Variants in NRXN3 observed in about 807,000 individuals in gnomAD.
NRXN3 encodes the protein neurexin III.
In NRXN3, 32 loss-of-function variants were observed where a neutral mutation model predicts 137.6. The observed-to-expected ratio is 0.23, with a 90% CI of 0.18 to 0.31. The LOEUF (loss-of-function observed/expected upper bound fraction) is 0.31. NRXN3 is among the 10% of genes least tolerant of loss of function. The pLI, the probability that NRXN3 is intolerant of heterozygous loss-of-function variation, is 1.00. For synonymous variants in NRXN3, 798 were observed against 784.5 expected (o/e 1.02, Z -0.29); for missense variants, 1,574 against 2,062.5 (o/e 0.76, Z 4.59).
intron 4 of NRXN3, among the ~76,000 whole-genome samples, chr14:78,402,592 A>G (rs1271830472): frequency 2.0e-5 from 3 of 152,208 alleles, no homozygotes; most frequent in African/African-American, 7.2e-5. Flanking sequence ...AAATATGAAG[A>G]TGTAAACAGT....
intron 1 of NRXN3, among the ~76,000 whole-genome samples, chr14:78,220,256 A>G (rs1284413273): frequency 1.3e-5 from 2 of 152,120 alleles, no homozygotes; most frequent in African/African-American, 2.4e-5. Flanking sequence ...GTTTGTGAAG[A>G]GATCTGGAGA....
chr14:78,313,064 G>T (rs928982933), intron 4 of NRXN3, among the ~76,000 whole-genome samples: 1 of 152,200 alleles, frequency 6.6e-6, no homozygotes, highest in African/African-American at 2.4e-5. Context: ...CAGTGGTAGT[G>T]TGAAGGTCAC....
intron 15 of NRXN3, among the ~76,000 whole-genome samples, chr14:79,091,788 T>C (rs2049248302): frequency 6.6e-6 from 1 of 152,040 alleles, no homozygotes; most frequent in South Asian, 2.1e-4. Flanking sequence ...GGTGGCACCA[T>C]TTACCAAGTA....
At chr14:78,606,396 C>T (rs1473662474) in intron 4 of NRXN3, among the ~76,000 whole-genome samples, 1 of 152,134 alleles carries the variant, frequency 6.6e-6, no homozygotes, top group South Asian at 2.1e-4. Flanking sequence ...CTCTGTCTTT[C>T]CCCCTAACCA....
intron 19 of NRXN3, among the ~76,000 whole-genome samples, chr14:79,752,470 G>C (rs556455176): frequency 6.6e-6 from 1 of 152,274 alleles, no homozygotes; most frequent in East Asian, 1.9e-4. Flanking sequence ...AATGGGGAAA[G>C]GATTCCCTAT....
intron 19 of NRXN3, among the ~76,000 whole-genome samples, chr14:79,726,230 G>GC (rs1476296025): frequency 1.3e-5 from 2 of 152,102 alleles, no homozygotes; most frequent in African/African-American, 4.8e-5. Flanking sequence ...TAAATGTAGG[G>GC]CTCTAGCAAG....
At chr14:79,549,166 C>T (rs1274536764) in intron 16 of NRXN3, among the ~76,000 whole-genome samples, 3 of 152,028 alleles carry the variant, frequency 2.0e-5, no homozygotes, top group Non-Finnish European at 4.4e-5. Flanking sequence ...GCATTGTTTC[C>T]ACTGCCTGCT....
chr14:78,999,924 A>G (rs550868188), intron 15 of NRXN3, among the ~76,000 whole-genome samples: 2 of 152,308 alleles, frequency 1.3e-5, no homozygotes, highest in South Asian at 4.2e-4. Context: ...TTTATCGTCA[A>G]TCATCAAATC....
intron 4 of NRXN3, among the ~76,000 whole-genome samples, chr14:78,323,163 T>G (rs1420022504): frequency 1.3e-5 from 2 of 152,114 alleles, no homozygotes; most frequent in Admixed American, 1.3e-4. Context: ...AATTTAAAAT[T>G]GTATATATCT....
intron 15 of NRXN3, among the ~76,000 whole-genome samples, chr14:79,026,093 C>G (rs946735440): frequency 6.6e-5 from 10 of 152,048 alleles, no homozygotes; most frequent in African/African-American, 2.4e-4. Context: ...AGCTTTTAAG[C>G]TTGTATAGAG....
intron 4 of NRXN3, among the ~76,000 whole-genome samples, chr14:78,542,994 T>C (rs997495805): frequency 5.3e-5 from 8 of 152,046 alleles, no homozygotes; most frequent in African/African-American, 1.9e-4. Context: ...GAACTAAACT[T>C]AGGGCTTGAG....
chr14:78,910,050 G>A (rs1199319542), intron 10 of NRXN3, among the ~76,000 whole-genome samples: 1 of 152,044 alleles, frequency 6.6e-6, no homozygotes, highest in Non-Finnish European at 1.5e-5. Context: ...TAGTATGATA[G>A]TTTTCTTACT....
chr14:79,631,494 C>A lies in NRXN3; in HGVS notation c.3445-32284C>A, dbSNP rs1324486350. Among the ~76,000 whole-genome samples, 2 of 152,242 alleles carry A rather than the reference C, an allele frequency of 1.3e-5. 1 individual carries two copies. The highest frequency in any genetic ancestry group is 2.9e-5 in the Non-Finnish European group (2 of 68,040). On this transcript the variant is annotated intron_variant, in intron 16 of 20. Coordinates refer to ENST00000335750, the MANE Select transcript of NRXN3 (RefSeq NM_001330195.2). Reference sequence around the variant, plus strand: ...GAGTCGGGGCTGCACTGGGCGCTCGCTGGCAGGCAAGGGTTCGGGCTCCGT... The same window carrying A: ...GAGTCGGGGCTGCACTGGGCGCTCGATGGCAGGCAAGGGTTCGGGCTCCGT...
intron 2 of NRXN3, among the ~76,000 whole-genome samples, chr14:78,270,984 A>G (rs2072629228): frequency 6.6e-6 from 1 of 152,226 alleles, no homozygotes; most frequent in South Asian, 2.1e-4. Flanking sequence ...TTGTACCAGC[A>G]ACTTCAGCTA....
At chr14:78,199,361 G>T (rs1355050768) in intron 1 of NRXN3, among the ~76,000 whole-genome samples, 5 of 152,140 alleles carry the variant, frequency 3.3e-5, no homozygotes, top group Non-Finnish European at 1.5e-5. Context: ...TGAACTAGGT[G>T]TAGGGCATTC....
chr14:78,855,344 T>A (rs2099054217), intron 10 of NRXN3, among the ~76,000 whole-genome samples: 2 of 152,156 alleles, frequency 1.3e-5, no homozygotes, highest in African/African-American at 4.8e-5. Context: ...ACAAACAAGA[T>A]GAAAACCTGC....
chr14:78,885,297 A>G (rs2099140393), intron 10 of NRXN3, among the ~76,000 whole-genome samples: 1 of 151,556 alleles, frequency 6.6e-6, no homozygotes, highest in South Asian at 2.1e-4. Context: ...TTTTTAGAAG[A>G]CATTATCAGT....
intron 19 of NRXN3, among the ~76,000 whole-genome samples, chr14:79,752,880 A>C (rs938138749): frequency 1.3e-5 from 2 of 152,200 alleles, no homozygotes; most frequent in African/African-American, 4.8e-5. Flanking sequence ...AGGAAAAAAA[A>C]CAAACAACCC....
In NRXN3 at chr14:78,926,889, T is replaced by TATATATATATAATATATATA. The variant is rs1172369784; in HGVS notation, c.2276-30334_2276-30315dup. On this transcript the variant is annotated intron_variant, in intron 10 of 20. Coordinates refer to ENST00000335750, the MANE Select transcript of NRXN3 (RefSeq NM_001330195.2). ...ATATATATAATATATAATATATTTA[T>TATATATATATAATATATATA]ATATATATATAATATATATAATATA... Among the ~76,000 whole-genome samples the TATATATATATAATATATATA allele has an allele frequency of 3.1e-3, 56 of 17,792 alleles. 1 individual carries two copies. Among genetic ancestry groups the TATATATATATAATATATATA allele is most frequent in the Non-Finnish European group, 4.2e-3 (49 of 11,766 alleles). The allele number at this position is 17,792 out of a possible 152,430, so 11.7% of individuals were successfully genotyped here.
Sources: gnomAD v4.1 joint callset for allele counts (sites outside exome capture counted in the v4.1 genomes callset) on GRCh38, gnomAD v4.1.1 for gene constraint, MANE v1.5 for transcripts, NCBI Gene and HGNC (gene_info 2026-07-23, HGNC 2026-07-21) for gene names.